The following SMG6 variants were observed in gnomAD, a reference collection of about 807,000 sequenced individuals.
SMG6 encodes telomerase-binding protein EST1A.
A neutral mutation model predicts 142.2 loss-of-function variants in SMG6; 66 were observed. The observed-to-expected ratio is 0.46, with a 90% CI of 0.38 to 0.57. The LOEUF is 0.57. Among genes scored for constraint, SMG6 ranks in the 20% least tolerant of loss-of-function variants. The pLI is 0.00. For missense variants in SMG6, 1,793 were observed against 1,832.0 expected, an observed-to-expected ratio of 0.98 and a Z score of 0.39; for synonymous variants, 779 against 702.4, an observed-to-expected ratio of 1.11 and a Z score of -1.72.
In SMG6 at chr17:2,182,468, G is replaced by A. The variant is rs79797902; in HGVS notation, c.3155+4195C>T. On this transcript the variant is annotated intron_variant, in intron 12 of 18. Transcript: ENST00000263073. ...CAGAGCTAGAGGTGGGGAGGGCATG[G>A]GGAGACTGAGATTAATAACAGTCCA... Among the ~76,000 whole-genome samples, 311 of 152,298 alleles carry A rather than the reference G, an allele frequency of 2.0e-3. 11 individuals are homozygous for A. In the East Asian group the frequency reaches 0.05, roughly 24 times the overall value.
At chr17:2,294,351 T>C (rs1466933548) in intron 4 of SMG6, among the ~76,000 whole-genome samples, 1 of 152,224 alleles carries the variant, frequency 6.6e-6, no homozygotes, top group Non-Finnish European at 1.5e-5. Context: ...CACTTTGTCA[T>C]GTTGGTAAGA....
At chr17:2,169,502 G>C (rs539041294) in intron 13 of SMG6, among the ~76,000 whole-genome samples, 38 of 152,288 alleles carry the variant, frequency 2.5e-4, no homozygotes, top group South Asian at 8.3e-4. Context: ...GATGTGGCCA[G>C]GGAAGCTCTC....
intron 9 of SMG6, chr17:2,237,398 G>A (rs919962671): frequency 1.0e-4 from 58 of 555,502 alleles, no homozygotes; most frequent in Non-Finnish European, 1.3e-4. Flanking sequence ...GTTTACTTTA[G>A]GTAACCAGAC....
intron 13 of SMG6, among the ~76,000 whole-genome samples, chr17:2,121,587 CTGTGTGTGTGTG>C (rs71150850): frequency 0.062 from 8,658 of 139,402 alleles, 373 homozygotes; most frequent in East Asian, 0.089. Flanking sequence ...ACATGTCTGT[CTGTGTGTGTGTG>C]TGTGTGTGTG....
chr17:2,148,688 G>A (rs1389493152), intron 13 of SMG6, among the ~76,000 whole-genome samples: 5 of 151,964 alleles, frequency 3.3e-5, no homozygotes, highest in Admixed American at 2.6e-4. Context: ...CCAAGACTCC[G>A]TCTCTACTAA....
At chr17:2,239,216 C>CTACT (rs2151812276) in intron 9 of SMG6, among the ~76,000 whole-genome samples, 1 of 152,270 alleles carries the variant, frequency 6.6e-6, no homozygotes, top group Admixed American at 6.5e-5. Context: ...CTGATGTCTA[C>CTACT]TACTATCTTT....
intron 6 of SMG6, among the ~76,000 whole-genome samples, chr17:2,285,776 C>G (rs1390187840): frequency 1.3e-5 from 2 of 152,130 alleles, no homozygotes; most frequent in Non-Finnish European, 2.9e-5. Context: ...CGGATTTGAG[C>G]AATTCTCCCG....
intron 13 of SMG6, among the ~76,000 whole-genome samples, chr17:2,138,903 G>A (rs2070386804): frequency 6.6e-6 from 1 of 152,162 alleles, no homozygotes; most frequent in South Asian, 2.1e-4. Context: ...ATTTGAAGTG[G>A]AGGCTTGGGT....
At chr17:2,122,775 A>AGCT (rs763335165) in intron 13 of SMG6, among the ~76,000 whole-genome samples, 6 of 152,220 alleles carry the variant, frequency 3.9e-5, no homozygotes, top group Admixed American at 1.3e-4. Flanking sequence ...GTGCCAGAGC[A>AGCT]GCTGAAACAT....
intron 13 of SMG6, among the ~76,000 whole-genome samples, chr17:2,128,833 A>G (rs75615398): frequency 0.011 from 1,678 of 148,954 alleles, 24 homozygotes; most frequent in Non-Finnish European, 0.018. Context: ...AAAAAAAAAA[A>G]AGAGAGAGAG....
At chr17:2,124,172 C>T (rs1264518098) in intron 13 of SMG6, among the ~76,000 whole-genome samples, 1 of 152,224 alleles carries the variant, frequency 6.6e-6, no homozygotes, top group Non-Finnish European at 1.5e-5. Context: ...GACACCAGGA[C>T]ACCCAAGTGG....
At chr17:2,062,529 CACT>C (rs1289914339) in intron 18 of SMG6, 1 of 151,676 alleles carries the variant, frequency 6.6e-6, no homozygotes, top group Non-Finnish European at 1.5e-5. Flanking sequence ...ACAGTCTCTC[CACT>C]ACCTCTCTTT....
At chr17:2,108,354 C>G (rs777961106) in intron 13 of SMG6, among the ~76,000 whole-genome samples, 2 of 152,346 alleles carry the variant, frequency 1.3e-5, no homozygotes, top group East Asian at 3.9e-4. Flanking sequence ...CAGTGACTCA[C>G]GCCTGTAATC....
chr17:2,118,360 G>T (rs996259348), intron 13 of SMG6, among the ~76,000 whole-genome samples: 44 of 152,146 alleles, frequency 2.9e-4, no homozygotes, highest in African/African-American at 1.0e-3. Context: ...CCAACATGAT[G>T]AAACCCCGTC....
chr17:2,192,304 T>A (rs2072188764), intron 10 of SMG6, among the ~76,000 whole-genome samples: 1 of 152,256 alleles, frequency 6.6e-6, no homozygotes, highest in Non-Finnish European at 1.5e-5. Context: ...GTTTGGTTGG[T>A]CACAGAAAAA....
intron 10 of SMG6, among the ~76,000 whole-genome samples, chr17:2,206,572 T>G (rs1597599005): frequency 5.9e-5 from 9 of 151,370 alleles, no homozygotes; most frequent in Middle Eastern, 3.4e-3. Flanking sequence ...AAGCAAGATC[T>G]TGTCTCTAAA....
chr17:2,076,675 A>G (rs929928240), intron 15 of SMG6, among the ~76,000 whole-genome samples: 4 of 152,078 alleles, frequency 2.6e-5, no homozygotes, highest in South Asian at 4.1e-4. Flanking sequence ...TATGGAAGTG[A>G]AGGGCCCCGG....
At chr17:2,213,140 G>A (rs1402987211) in intron 10 of SMG6, among the ~76,000 whole-genome samples, 1 of 152,182 alleles carries the variant, frequency 6.6e-6, no homozygotes, top group African/African-American at 2.4e-5. Context: ...CTAAACCATA[G>A]GATCTTTTTT....
At chr17:2,076,614 A>G (rs547601880) in intron 15 of SMG6, among the ~76,000 whole-genome samples, 1 of 152,296 alleles carries the variant, frequency 6.6e-6, no homozygotes, top group East Asian at 1.9e-4. Flanking sequence ...GTTCACGCAT[A>G]TGGCCAGACA....
Sources: allele counts gnomAD v4.1 joint callset (sites outside exome capture counted in the v4.1 genomes callset), GRCh38; gene constraint gnomAD v4.1.1; transcripts MANE v1.5; gene names NCBI Gene and HGNC (gene_info 2026-07-23, HGNC 2026-07-21).